Variants in DDC observed in about 807,000 individuals in gnomAD.
The protein encoded by DDC is dopa decarboxylase, also known as aromatic-L-amino-acid decarboxylase.
Under a neutral mutation model 60.0 loss-of-function variants are expected in DDC, and 43 were observed. The observed-to-expected ratio is 0.72, with a 90% confidence interval of 0.56 to 0.92. DDC has a LOEUF of 0.92. Among genes scored for constraint, DDC ranks in the 40% least tolerant of loss-of-function variants. The probability of loss-of-function intolerance (pLI) is 0.00; values close to 1 mark genes in which losing one functional copy is unlikely to be tolerated. For synonymous variants in DDC, 232 were observed against 234.6 expected (o/e 0.99, Z 0.10); for missense variants, 573 against 620.2 (o/e 0.92, Z 0.81).
At chr7:50,528,313 A>C (rs543436897) in intron 5 of DDC, 33 bp from the exon 6 acceptor site, 1 of 1,613,526 alleles carries the variant, frequency 6.2e-7, no homozygotes, top group South Asian at 1.1e-5. Flanking sequence ...GGATTTGTAC[A>C]GGTGTGTGCA....
At chr7:50,476,780 G>A (rs768843007) in intron 10 of DDC, 137 bp from the exon 11 acceptor site, 1 of 774,336 alleles carries the variant, frequency 1.3e-6, no homozygotes, top group Non-Finnish European at 2.2e-6. Flanking sequence ...GCTGGGTCTG[G>A]GTGTTCTTTG....
chr7:50,463,532 C>T, intron 13 of DDC, 101 bp from the exon 14 acceptor site: 2 of 985,790 alleles, frequency 2.0e-6, no homozygotes, highest in Non-Finnish European at 3.2e-6. Context: ...TACCGTACAT[C>T]AGGAAGAAGC....
chr7:50,503,565 A>G (rs2043308530), intron 7 of DDC, among the ~76,000 whole-genome samples: 1 of 152,168 alleles, frequency 6.6e-6, no homozygotes, highest in Non-Finnish European at 1.5e-5. Flanking sequence ...TCTTAACTGC[A>G]TTCAGTAATT....
At chr7:50,560,678 A>G (rs1265608442) in intron 1 of DDC, among the ~76,000 whole-genome samples, 2 of 152,006 alleles carry the variant, frequency 1.3e-5, no homozygotes, top group African/African-American at 4.8e-5. Context: ...AATAATTTCC[A>G]CTCACTTAGT....
chr7:50,505,752 G>A (rs566265095), intron 6 of DDC, among the ~76,000 whole-genome samples: 19 of 152,342 alleles, frequency 1.2e-4, no homozygotes, highest in South Asian at 1.0e-3. Flanking sequence ...GCCAAACCCC[G>A]GGGCGTGGGC....
Position 50,479,775 on chromosome 7 carries a change from C to T in DDC, c.1021+12G>A, listed in dbSNP as rs761895984. On this transcript the variant is annotated intron_variant, in intron 10 of 14. Transcript: ENST00000444124. ...CCAGAAACAGTCCACAGAAAGCAGG[C>T]TCACAGCTTACCTGAATCCTGATGG... 6 of 1,612,252 alleles carry T rather than the reference C, an allele frequency of 3.7e-6. No individual in the cohort carries two copies. The highest frequency in any genetic ancestry group is 4.2e-6 in the Non-Finnish European group (5 of 1,179,070).
intron 6 of DDC, among the ~76,000 whole-genome samples, chr7:50,512,735 C>T (rs1467155446): frequency 6.6e-6 from 1 of 152,202 alleles, no homozygotes; most frequent in Non-Finnish European, 1.5e-5. Flanking sequence ...TGCTGCAAGA[C>T]CCACCTTATC....
chr7:50,525,804 T>C (rs1198319453), intron 6 of DDC, among the ~76,000 whole-genome samples: 1 of 151,892 alleles, frequency 6.6e-6, no homozygotes, highest in Non-Finnish European at 1.5e-5. Flanking sequence ...AATTTTTTAA[T>C]GTTTAGAATT....
At chr7:50,498,043 A>C (rs1184509118) in intron 8 of DDC, among the ~76,000 whole-genome samples, 1 of 152,216 alleles carries the variant, frequency 6.6e-6, no homozygotes, top group Non-Finnish European at 1.5e-5. Flanking sequence ...GTAGTAGAAA[A>C]TCACAAAAGC....
chr7:50,553,484 C>CTTTTTTTTTTTTTTTTTTTT (rs5884158), intron 1 of DDC, among the ~76,000 whole-genome samples: 12 of 90,938 alleles, frequency 1.3e-4, no homozygotes, highest in East Asian at 3.0e-4. Context: ...TCTTTCTTTT[C>CTTTTTTTTTTTTTTTTTTTT]TTTTTTTTTT....
chr7:50,545,859 C>T (rs572149881), intron 1 of DDC, among the ~76,000 whole-genome samples: 1 of 152,298 alleles, frequency 6.6e-6, no homozygotes, highest in East Asian at 1.9e-4. Context: ...TCTGGGGAAG[C>T]TTCTCTAACA....
intron 7 of DDC, among the ~76,000 whole-genome samples, chr7:50,500,747 C>T (rs2153539986): frequency 6.6e-6 from 1 of 152,330 alleles, no homozygotes; most frequent in African/African-American, 2.4e-5. Context: ...TGACCTTAAT[C>T]CAACTGAGGG....
rs1250142696 is a variant in DDC at position 50,502,814 on chromosome 7, G to A, written c.781+1179C>T. Among the ~76,000 whole-genome samples the A allele has an allele frequency of 4.6e-5, 7 of 152,290 alleles. No homozygotes were observed. In the South Asian group the frequency reaches 8.3e-4, roughly 18 times the overall value. ...GCATTAATTTATCCTCTGAATAATC[G>A]TGTGGGGAAATCTTGTTATTTTATG... On this transcript the variant is annotated intron_variant, in intron 7 of 14. Transcript: ENST00000444124.
chr7:50,494,337 C>T (rs2043074940), intron 9 of DDC, among the ~76,000 whole-genome samples: 1 of 152,044 alleles, frequency 6.6e-6, no homozygotes, highest in African/African-American at 2.4e-5. Flanking sequence ...GAAACCTCGT[C>T]TCTACTAAAA....
At chr7:50,484,317 C>T (rs1241167454) in intron 9 of DDC, among the ~76,000 whole-genome samples, 2 of 152,074 alleles carry the variant, frequency 1.3e-5, no homozygotes, top group South Asian at 2.1e-4. Flanking sequence ...CTTCCTTTTA[C>T]TTTTTGGAGG....
At chr7:50,463,059 C>T (rs1042460563) in intron 14 of DDC, among the ~76,000 whole-genome samples, 154 bp downstream of exon 14, 1 of 152,218 alleles carries the variant, frequency 6.6e-6, no homozygotes, top group Admixed American at 6.5e-5. Context: ...TGAGCCACCG[C>T]ACCCGGCCTT....
At chr7:50,540,500 A>G (rs1006662039) in intron 2 of DDC, among the ~76,000 whole-genome samples, 8 of 152,020 alleles carry the variant, frequency 5.3e-5, no homozygotes, top group Non-Finnish European at 1.2e-4. Context: ...ACAAACAAAA[A>G]AAAAAACCAA....
chr7:50,508,855 A>G (rs902584951), intron 6 of DDC, among the ~76,000 whole-genome samples: 5 of 152,118 alleles, frequency 3.3e-5, no homozygotes, highest in African/African-American at 9.7e-5. Flanking sequence ...TTTGGCTGCC[A>G]GTTAAAGACA....
intron 11 of DDC, 94 bp downstream of exon 11, chr7:50,476,530 A>G: frequency 8.4e-7 from 1 of 1,190,692 alleles, no homozygotes; most frequent in Non-Finnish European, 1.3e-6. Context: ...GTGCGTGCTG[A>G]TCATGAGAGT....
Sources: gnomAD v4.1 joint callset for allele counts (sites outside exome capture counted in the v4.1 genomes callset) on GRCh38, gnomAD v4.1.1 for gene constraint, MANE v1.5 for transcripts, NCBI Gene and HGNC (gene_info 2026-07-23, HGNC 2026-07-21) for gene names.